The following GRM7 variants were observed in gnomAD, a reference collection of about 807,000 sequenced individuals.
The protein encoded by GRM7 is glutamate metabotropic receptor 7, also known as metabotropic glutamate receptor 7.
A neutral mutation model predicts 84.5 loss-of-function variants in GRM7; 35 were observed. The ratio of observed to expected loss-of-function variants is 0.41; its 90% CI spans 0.32 to 0.55. The LOEUF (loss-of-function observed/expected upper bound fraction) is 0.55. Ranked by LOEUF, GRM7 falls within the 20% of genes least tolerant of loss-of-function variation. GRM7 has a pLI of 0.19. For synonymous variants in GRM7, 487 were observed against 455.1 expected, an observed-to-expected ratio of 1.07 and a Z score of -0.89; for missense variants, 1,003 against 1,194.6, an observed-to-expected ratio of 0.84 and a Z score of 2.36.
intron 4 of GRM7, among the ~76,000 whole-genome samples, chr3:7,317,998 G>C (rs1384736644): frequency 6.6e-6 from 1 of 151,862 alleles, no homozygotes; most frequent in Non-Finnish European, 1.5e-5. Context: ...AACAAGAAAG[G>C]GAGCCAAGTA....
intron 9 of GRM7, among the ~76,000 whole-genome samples, chr3:7,682,850 G>A (rs1039173128): frequency 1.3e-5 from 2 of 152,190 alleles, no homozygotes; most frequent in Non-Finnish European, 1.5e-5. Flanking sequence ...TAGGCATTAT[G>A]CGGAATGCTT....
In GRM7 at chr3:7,680,151, C is replaced by T. The variant is rs756834019; in HGVS notation, c.2554C>T (p.Pro852Ser). The T allele has an allele frequency of 6.2e-7, 1 of 1,614,102 alleles. No individual in the cohort carries two copies. Among genetic ancestry groups the T allele is most frequent in the Admixed American group, 1.7e-5 (1 of 60,014 alleles). ...MPKVYIIIFH[P>S]ELNVQKRKRS... is the part of the protein sequence containing the mutation. ...GAAAGTGTACATCATCATTTTCCAC[C>T]CTGAACTCAATGTCCAGAAACGGAA... is the stretch of plus-strand genomic sequence containing the variant. Residue 852 changes from proline to serine, a missense_variant, in exon 9 of 10, where the codon CCT becomes TCT. By Grantham distance (74) the Pro-to-Ser change is moderately conservative (BLOSUM62 -1). This residue lies in a region of GRM7 where 910 missense variants were observed against 1,126.0 expected (regional missense o/e 0.81). Transcript: ENST00000357716.
At chr3:6,954,494 G>A (rs1038411062) in intron 1 of GRM7, among the ~76,000 whole-genome samples, 12 of 152,130 alleles carry the variant, frequency 7.9e-5, no homozygotes, top group African/African-American at 2.9e-4. Flanking sequence ...AATAAGGTCT[G>A]AACACCTGTA....
intron 8 of GRM7, among the ~76,000 whole-genome samples, chr3:7,673,097 G>A (rs970771627): frequency 2.0e-5 from 3 of 152,142 alleles, no homozygotes; most frequent in Non-Finnish European, 4.4e-5. Flanking sequence ...TTGATGAGTG[G>A]TTGTTACATG....
At chr3:6,875,593 AC>A (rs1375469164) in intron 1 of GRM7, among the ~76,000 whole-genome samples, 1 of 152,138 alleles carries the variant, frequency 6.6e-6, no homozygotes, top group Non-Finnish European at 1.5e-5. Flanking sequence ...TTTATAAATT[AC>A]CCAGTCTTGG....
chr3:7,042,330 C>T (rs1220741738), intron 1 of GRM7, among the ~76,000 whole-genome samples: 1 of 152,104 alleles, frequency 6.6e-6, no homozygotes, highest in Non-Finnish European at 1.5e-5. Flanking sequence ...TTGAAATCCC[C>T]ACACACTTCT....
At chr3:6,883,447 T>C (rs955463473) in intron 1 of GRM7, among the ~76,000 whole-genome samples, 1 of 152,222 alleles carries the variant, frequency 6.6e-6, no homozygotes, top group Non-Finnish European at 1.5e-5. Flanking sequence ...ATAATCAATT[T>C]ATTTCCTTTG....
chr3:7,442,897 G>A (rs1211640326), intron 5 of GRM7, among the ~76,000 whole-genome samples: 1 of 152,016 alleles, frequency 6.6e-6, no homozygotes, highest in African/African-American at 2.4e-5. Context: ...TTAGTAGAGT[G>A]TCTCTGTCTG....
chr3:7,722,706 TG>T (rs1475417534), intron 9 of GRM7, among the ~76,000 whole-genome samples: 2 of 151,996 alleles, frequency 1.3e-5, no homozygotes, highest in Non-Finnish European at 2.9e-5. Context: ...CCTCCCAAAA[TG>T]TTGGGATTAC....
Position 7,579,004 on chromosome 3 carries a change from A to C in GRM7, c.2098A>C (p.Thr700Pro), listed in dbSNP as rs370085401. 1 of 1,613,970 alleles carries C rather than the reference A, an allele frequency of 6.2e-7. No homozygotes were observed. The highest frequency in any genetic ancestry group is 1.3e-5 in the African/African-American group (1 of 74,904). Residue 700 changes from threonine (T) to proline (P), a missense_variant, in exon 8 of 10, where the codon ACA (threonine) becomes CCA (proline). Thr to Pro is a conservative substitution (Grantham distance 38, BLOSUM62 -1). This residue lies in a region of GRM7 where 910 missense variants were observed against 1,126.0 expected (regional missense o/e 0.81). Transcript: ENST00000357716. Reference protein sequence around the residue: ...SVTAPRLISPTSQLAITSSLI... With the variant: ...SVTAPRLISPPSQLAITSSLI... ...AACAGCTCCCAGACTCATAAGCCCA[A>C]CATCACAACTGGCAATCACTTCCAG...
chr3:6,868,694 A>G (rs1363013987), intron 1 of GRM7, among the ~76,000 whole-genome samples: 1 of 152,190 alleles, frequency 6.6e-6, no homozygotes, highest in Non-Finnish European at 1.5e-5. Flanking sequence ...ATATATGTGC[A>G]AAGTGAGAGG....
intron 1 of GRM7, among the ~76,000 whole-genome samples, chr3:6,968,547 A>C (rs1314866353): frequency 2.0e-5 from 3 of 152,204 alleles, no homozygotes; most frequent in Non-Finnish European, 4.4e-5. Context: ...ATTTACTTAA[A>C]ATGCTTATTG....
Position 7,568,190 on chromosome 3 carries a change from C to T in GRM7, c.1516-10232C>T, listed in dbSNP as rs536735761. On this transcript the variant is annotated intron_variant, in intron 7 of 9. Transcript: ENST00000357716. The stretch of plus-strand genomic sequence containing the variant: ...ATTTCCATGCTTGGGAACTGGGGAG[C>T]CTGGCAGGCCCCAGAAGGGTCCTTG... Among the ~76,000 whole-genome samples, 10 of 152,174 alleles carry T rather than the reference C, an allele frequency of 6.6e-5. No individual in the cohort carries two copies. In the South Asian group the frequency reaches 1.2e-3, roughly 19 times the overall value.
chr3:7,583,574 T>G (rs951944828), intron 8 of GRM7, among the ~76,000 whole-genome samples: 1 of 152,212 alleles, frequency 6.6e-6, no homozygotes, highest in Admixed American at 6.5e-5. Flanking sequence ...TCTTGATACC[T>G]CTTCCCATTC....
At chr3:7,516,651 G>A (rs1451235465) in intron 7 of GRM7, among the ~76,000 whole-genome samples, 1 of 152,116 alleles carries the variant, frequency 6.6e-6, no homozygotes, top group African/African-American at 2.4e-5. Flanking sequence ...GCGAGGACTA[G>A]AGGTATGAGC....
rs191978315 is a variant in GRM7 at position 7,503,688 on chromosome 3, G to A, written c.1515+41966G>A. On this transcript the variant is annotated intron_variant, in intron 7 of 9. Transcript: ENST00000357716. ...TATGTTAGAAGGGATTGGAAATGTC[G>A]GCATGTTTGTCACTGTTGTTTTTTA... 2.6e-5 allele frequency among the ~76,000 whole-genome samples: 4 copies of A among 152,116 alleles called. No individual in the cohort carries two copies. The East Asian group carries it at 5.8e-4, about 22-fold the overall frequency.
chr3:7,594,770 A>C (rs1178712957), intron 8 of GRM7, among the ~76,000 whole-genome samples: 1 of 152,128 alleles, frequency 6.6e-6, no homozygotes, highest in Non-Finnish European at 1.5e-5. Context: ...AAGCATCTGC[A>C]GGCTCTTCTT....
intron 4 of GRM7, among the ~76,000 whole-genome samples, chr3:7,359,111 CAA>C (rs35815945): frequency 3.6e-5 from 3 of 83,068 alleles, no homozygotes; most frequent in Non-Finnish European, 4.8e-5. Context: ...GATTCCATCT[CAA>C]AAAAAAAAAA....
intron 7 of GRM7, among the ~76,000 whole-genome samples, chr3:7,521,833 G>C (rs968599480): frequency 2.6e-5 from 4 of 152,108 alleles, no homozygotes; most frequent in African/African-American, 9.7e-5. Flanking sequence ...GTGGGGACAA[G>C]GTCTTTCACC....
Sources: allele counts gnomAD v4.1 joint callset (sites outside exome capture counted in the v4.1 genomes callset), GRCh38; gene constraint gnomAD v4.1.1; regional missense constraint gnomAD v4.1.1; transcripts MANE v1.5; gene names NCBI Gene and HGNC (gene_info 2026-07-23, HGNC 2026-07-21).